The following BLNK variants were observed in gnomAD, a reference collection of about 807,000 sequenced individuals.
The protein encoded by BLNK is B-cell linker protein.
Under a neutral mutation model 73.5 loss-of-function variants are expected in BLNK, and 29 were observed. That is an observed-to-expected ratio of 0.39 (90% CI 0.29 to 0.54). BLNK has a LOEUF of 0.54. Among genes scored for constraint, BLNK ranks in the 20% least tolerant of loss-of-function variants. The pLI is 0.61. For synonymous variants in BLNK, 176 were observed against 200.8 expected (o/e 0.88, Z 1.04); for missense variants, 460 against 562.8 (o/e 0.82, Z 1.85).
rs1159421344 is a variant in BLNK, at chr10:96,224,013, A to G, written c.362-24T>C. On this transcript the variant is annotated intron_variant, in intron 5 of 16. Transcript: ENST00000224337. ...GTCTTGAAAGGAACAAACAAAAAAC[A>G]TAACATAAAAGAGGCTCTGGATCAT... is the stretch of plus-strand genomic sequence containing the variant. 2.5e-6 allele frequency: 4 copies of G among 1,612,030 alleles called. No homozygotes were observed. In the Admixed American group the frequency reaches 5.0e-5, roughly 20 times the overall value.
chr10:96,194,454 G>T (rs2083407593), intron 16 of BLNK, among the ~76,000 whole-genome samples: 1 of 152,094 alleles, frequency 6.6e-6, no homozygotes, highest in Admixed American at 6.6e-5. Flanking sequence ...TGATTTTTTG[G>T]ATATGACATT....
At chr10:96,247,269 C>G (rs1351374707) in intron 1 of BLNK, among the ~76,000 whole-genome samples, 3 of 152,142 alleles carry the variant, frequency 2.0e-5, no homozygotes, top group African/African-American at 7.2e-5. Context: ...GGGCTGTGTC[C>G]CCTTCCGTTG....
intron 12 of BLNK, 76 bp downstream of exon 12, chr10:96,204,456 T>A: frequency 7.0e-7 from 1 of 1,433,876 alleles, no homozygotes; most frequent in South Asian, 1.1e-5. Context: ...TCAGTGTCAC[T>A]GTGCAGTGAA....
chr10:96,191,072 TAGTG>T lies in BLNK; in HGVS notation c.*897_*900del, dbSNP rs1285837271. On this transcript the variant is annotated 3_prime_UTR_variant, in exon 17 of 17. Coordinates refer to ENST00000224337, the MANE Select transcript of BLNK (RefSeq NM_013314.4). ...GGCAGGTTTTCCCATGTTGTTGTGA[TAGTG>T]AGTAAGTCTCATGAGATCTGATGGT... 2.6e-5 allele frequency among the ~76,000 whole-genome samples: 4 copies of T among 152,232 alleles called. No individual in the cohort carries two copies. The highest frequency in any genetic ancestry group is 4.2e-4 in the South Asian group (2 of 4,810).
rs782636828 is a variant in BLNK at position 96,192,042 on chromosome 10, C to A, written c.1302G>T (p.Leu434Phe). ...TGTTATTCTGACTGTCAATAAGAAC[C>A]AAAGGACTATGTTGATGATTCCTGA... ...EIIRNHQHSPLVLIDSQNNTK... is the reference protein window; with the variant it reads ...EIIRNHQHSPFVLIDSQNNTK... Residue 434 changes from leucine (L) to phenylalanine (F), a missense_variant, in exon 17 of 17, where the codon TTG becomes TTT. Transcript: ENST00000224337. 14 of 1,613,612 alleles carry A rather than the reference C, an allele frequency of 8.7e-6. No individual in the cohort carries two copies. Among genetic ancestry groups the A allele is most frequent in the Non-Finnish European group, 1.2e-5 (14 of 1,179,734 alleles).
chr10:96,210,178 GC>G, intron 8 of BLNK: 2 of 465,918 alleles, frequency 4.3e-6, no homozygotes, highest in Non-Finnish European at 7.9e-6. Flanking sequence ...CTCCTTACCC[GC>G]CCCCTGCCCC....
chr10:96,216,573 T>G, intron 7 of BLNK, 80 bp downstream of exon 7: 1 of 1,228,172 alleles, frequency 8.1e-7, no homozygotes, highest in Non-Finnish European at 1.2e-6. Context: ...CTGAGCCTCT[T>G]AGTGCTTACT....
At chr10:96,213,485 A>G (rs1360994535) in intron 8 of BLNK, among the ~76,000 whole-genome samples, 1 of 152,190 alleles carries the variant, frequency 6.6e-6, no homozygotes, top group Non-Finnish European at 1.5e-5. Flanking sequence ...CTGGAGGTGG[A>G]GGCCTCAAGC....
intron 2 of BLNK, among the ~76,000 whole-genome samples, chr10:96,243,750 T>C (rs587775061): frequency 1.4e-4 from 21 of 152,302 alleles, no homozygotes; most frequent in Non-Finnish European, 2.8e-4. Context: ...TGAAATTACA[T>C]TTTAGAAAAC....
In BLNK at chr10:96,271,422, A is replaced by G. The variant is rs2134166500; in HGVS notation, c.-24T>C. On this transcript the variant is annotated 5_prime_UTR_variant, in exon 1 of 17. Coordinates refer to ENST00000224337, the MANE Select transcript of BLNK (RefSeq NM_013314.4). ...ATTCTGTTTGGTAATTGTAAGAGAC[A>G]CGAATAACTGTCCAGTGGTCACGTC... 1.2e-6 allele frequency: 2 copies of G among 1,613,490 alleles called. No individual in the cohort carries two copies. The highest frequency in any genetic ancestry group is 1.1e-5 in the South Asian group (1 of 91,082).
Position 96,230,672 on chromosome 10 carries a change from C to G in BLNK, c.204+122G>C. On this transcript the variant is annotated intron_variant, in intron 4 of 16. Coordinates refer to ENST00000224337, the MANE Select transcript of BLNK (RefSeq NM_013314.4). ...GCAGTATGCCTTGCCTGTAGGTGAC[C>G]TTTCCAAGTCTTCCCTCTTGGGACG... 3 of 1,205,890 alleles carry G rather than the reference C, an allele frequency of 2.5e-6. No individual in the cohort carries two copies. The South Asian group carries it at 4.0e-5, about 16-fold the overall frequency. 74.7% of individuals were successfully genotyped at this position (1,205,890 alleles called of 1,614,324 possible).
chr10:96,253,830 A>G (rs1249232098), intron 1 of BLNK, among the ~76,000 whole-genome samples: 2 of 151,852 alleles, frequency 1.3e-5, no homozygotes, highest in East Asian at 3.9e-4. Flanking sequence ...CTTGGCTAAC[A>G]CGGTGAAACC....
intron 15 of BLNK, chr10:96,199,405 C>A: frequency 2.7e-6 from 1 of 367,818 alleles, no homozygotes; most frequent in Non-Finnish European, 5.6e-6. Context: ...TTTAATCCTG[C>A]ACATTGATCC....
Position 96,189,404 on chromosome 10 carries a change from G to C in BLNK, c.*2569C>G, listed in dbSNP as rs782087236. 1.9e-5 allele frequency: 11 copies of C among 593,438 alleles called. No homozygotes were observed. In the East Asian group the frequency reaches 4.0e-4, roughly 22 times the overall value. 36.8% of individuals were successfully genotyped at this position (593,438 alleles called of 1,614,324 possible). A position where few individuals can be genotyped will look rare whatever the true frequency, so the allele number is the denominator to read the frequency against. On this transcript the variant is annotated 3_prime_UTR_variant, in exon 17 of 17. Coordinates refer to ENST00000224337, the MANE Select transcript of BLNK (RefSeq NM_013314.4). ...TGCCAGGATCTTGAATAGTCTCCTG[G>C]TCAGTTGTCCGGAAGCAATTCTTCA...
intron 16 of BLNK, among the ~76,000 whole-genome samples, chr10:96,193,530 T>C (rs10491070): frequency 0.37 from 56,245 of 152,046 alleles, 11,777 homozygotes; most frequent in Middle Eastern, 0.56. Context: ...GTTGAAACAT[T>C]TGAAGTAGGG....
chr10:96,247,524 C>A (rs1253870565), intron 1 of BLNK, among the ~76,000 whole-genome samples: 1 of 152,166 alleles, frequency 6.6e-6, no homozygotes, highest in Non-Finnish European at 1.5e-5. Flanking sequence ...TTTGAAACTT[C>A]TGTAGAACAA....
At chr10:96,256,880 C>A (rs375638971) in intron 1 of BLNK, among the ~76,000 whole-genome samples, 436 of 103,412 alleles carry the variant, frequency 4.2e-3, no homozygotes, top group East Asian at 6.6e-3. Flanking sequence ...GACTCCATCT[C>A]AAAAAAAAAA....
intron 1 of BLNK, among the ~76,000 whole-genome samples, chr10:96,261,377 C>T (rs1219530885): frequency 6.6e-6 from 1 of 152,176 alleles, no homozygotes; most frequent in Non-Finnish European, 1.5e-5. Flanking sequence ...TTCATCACCC[C>T]TAAATAAAAC....
intron 6 of BLNK, among the ~76,000 whole-genome samples, chr10:96,222,110 C>G (rs781821234): frequency 2.0e-5 from 3 of 152,188 alleles, no homozygotes; most frequent in Non-Finnish European, 2.9e-5. Context: ...GTGTGAGGCA[C>G]TGTATTTAGT....
Sources: gnomAD v4.1 joint callset for allele counts (sites outside exome capture counted in the v4.1 genomes callset) on GRCh38, gnomAD v4.1.1 for gene constraint, MANE v1.5 for transcripts, NCBI Gene and HGNC (gene_info 2026-07-23, HGNC 2026-07-21) for gene names.